The following SCFD2 variants were observed in gnomAD, a reference collection of about 807,000 sequenced individuals.
SCFD2 encodes the protein sec1 family domain-containing protein 2.
A neutral mutation model predicts 58.9 loss-of-function variants in SCFD2; 54 were observed. That is an observed-to-expected ratio of 0.92 (90% CI 0.74 to 1.15). The LOEUF (loss-of-function observed/expected upper bound fraction) is 1.15, where lower values mean the gene tolerates loss of function less well. SCFD2 is among the 50% of genes most tolerant of loss of function. The pLI is 0.00. For synonymous variants in SCFD2, 321 were observed against 335.9 expected (o/e 0.96, Z 0.49); for missense variants, 805 against 836.6 (o/e 0.96, Z 0.47).
At chr4:53,095,532 G>T (rs575345107) in intron 5 of SCFD2, among the ~76,000 whole-genome samples, 14 of 152,168 alleles carry the variant, frequency 9.2e-5, no homozygotes, top group African/African-American at 2.9e-4. Context: ...CATGCTCCCA[G>T]TCTTACTCCC....
intron 4 of SCFD2, among the ~76,000 whole-genome samples, chr4:53,271,880 G>T (rs1731180192): frequency 6.6e-6 from 1 of 152,260 alleles, no homozygotes; most frequent in East Asian, 1.9e-4. Flanking sequence ...AAGAGCTTCT[G>T]CACAGCAAAA....
chr4:53,169,478 T>C (rs1040777796), intron 4 of SCFD2, among the ~76,000 whole-genome samples: 1 of 152,228 alleles, frequency 6.6e-6, no homozygotes, highest in Non-Finnish European at 1.5e-5. Context: ...ATTCCATAAC[T>C]TGGCTACTGT....
At chr4:53,324,925 T>C (rs757111822) in intron 2 of SCFD2, among the ~76,000 whole-genome samples, 11 of 152,200 alleles carry the variant, frequency 7.2e-5, no homozygotes, top group Non-Finnish European at 1.5e-4. Flanking sequence ...ACTAATTAAC[T>C]ATGTCTTAGT....
chr4:53,231,177 TA>T (rs1159732718), intron 4 of SCFD2, among the ~76,000 whole-genome samples: 1 of 151,344 alleles, frequency 6.6e-6, no homozygotes, highest in Non-Finnish European at 1.5e-5. Context: ...ACTAGTTTTT[TA>T]AAAAAAAACC....
At chr4:53,285,420 C>T (rs1405953554) in intron 3 of SCFD2, among the ~76,000 whole-genome samples, 2 of 152,030 alleles carry the variant, frequency 1.3e-5, no homozygotes, top group Non-Finnish European at 2.9e-5. Flanking sequence ...CACCTACAGT[C>T]ATGGGCCTTC....
chr4:53,092,742 T>C (rs1053965082), intron 5 of SCFD2, among the ~76,000 whole-genome samples: 3 of 152,186 alleles, frequency 2.0e-5, no homozygotes, highest in African/African-American at 7.2e-5. Context: ...ATTCCATTTA[T>C]ATAACAATCT....
At chr4:53,188,690 C>T (rs1490848949) in intron 4 of SCFD2, among the ~76,000 whole-genome samples, 1 of 152,104 alleles carries the variant, frequency 6.6e-6, no homozygotes, top group Non-Finnish European at 1.5e-5. Context: ...TGAAAGCAAT[C>T]TATTAACTCA....
chr4:52,892,036 G>A (rs539442732), intron 7 of SCFD2, among the ~76,000 whole-genome samples: 1 of 152,200 alleles, frequency 6.6e-6, no homozygotes, highest in African/African-American at 2.4e-5. Context: ...AGTGTCCCCA[G>A]ATTGCTACCA....
chr4:53,186,311 G>C (rs1727735012), intron 4 of SCFD2, among the ~76,000 whole-genome samples: 1 of 151,732 alleles, frequency 6.6e-6, no homozygotes, highest in Non-Finnish European at 1.5e-5. Flanking sequence ...TATCTCTTAC[G>C]GGACTTACCA....
At chr4:53,042,249 T>A (rs1722918221) in intron 5 of SCFD2, among the ~76,000 whole-genome samples, 1 of 152,184 alleles carries the variant, frequency 6.6e-6, no homozygotes, top group Non-Finnish European at 1.5e-5. Context: ...ATGCGTAAAA[T>A]CATTTCACTG....
At chr4:53,159,226 T>G (rs777959824) in intron 4 of SCFD2, among the ~76,000 whole-genome samples, 2 of 152,228 alleles carry the variant, frequency 1.3e-5, no homozygotes, top group Non-Finnish European at 2.9e-5. Flanking sequence ...TTGTAGATTA[T>G]CTCATTTAGT....
At chr4:53,178,500 C>T (rs1302584262) in intron 4 of SCFD2, among the ~76,000 whole-genome samples, 3 of 152,180 alleles carry the variant, frequency 2.0e-5, no homozygotes, top group Non-Finnish European at 2.9e-5. Flanking sequence ...CCCATCTGTA[C>T]ATCACCATCA....
chr4:53,250,904 C>T (rs1300785677), intron 4 of SCFD2, among the ~76,000 whole-genome samples: 1 of 152,064 alleles, frequency 6.6e-6, no homozygotes, highest in African/African-American at 2.4e-5. Context: ...CAGAGCAGAA[C>T]TGAAGGAAAT....
At chr4:52,901,374 T>A (rs955746116) in intron 7 of SCFD2, among the ~76,000 whole-genome samples, 1 of 152,150 alleles carries the variant, frequency 6.6e-6, no homozygotes, top group Non-Finnish European at 1.5e-5. Context: ...CCCTGACAAA[T>A]AGAGCACAGT....
rs750943047 is a variant in SCFD2, at chr4:53,365,758, C to G, written c.184G>C (p.Asp62His). The change falls in exon 1 of 9, where the codon GAC (aspartate) becomes CAC (histidine). Residue 62 changes from aspartate (D) to histidine (H), a missense_variant. Asp to His is a moderately conservative substitution (Grantham distance 81). This residue lies in a region of SCFD2 where 155 missense variants were observed against 149.7 expected (regional missense o/e 1.04). Transcript: ENST00000401642. The surrounding 1 kb of genome is among the most constrained non-coding windows in gnomAD (Gnocchi z 4.3). ...TGCTTGGCTCCACCACCAATTGCGT[C>G]GGGCTCGAACTCTCGCAGGTGACAG... is the stretch of plus-strand genomic sequence containing the variant. ...PDCHLREFEP[D>H]AIGGGAKQPK... 1 of 1,613,682 alleles carries G rather than the reference C, an allele frequency of 6.2e-7. No homozygotes were observed. Among genetic ancestry groups the G allele is most frequent in the African/African-American group, 1.3e-5 (1 of 74,900 alleles).
At chr4:53,165,291 C>T (rs1447800435) in intron 4 of SCFD2, among the ~76,000 whole-genome samples, 1 of 152,180 alleles carries the variant, frequency 6.6e-6, no homozygotes, top group Admixed American at 6.5e-5. Flanking sequence ...GTCTCTTCAA[C>T]TGTATACTTG....
At chr4:53,181,780 C>T (rs1324679440) in intron 4 of SCFD2, among the ~76,000 whole-genome samples, 1 of 152,192 alleles carries the variant, frequency 6.6e-6, no homozygotes, top group Non-Finnish European at 1.5e-5. Flanking sequence ...CCAAAATCTC[C>T]TCAAGCTGAT....
intron 5 of SCFD2, among the ~76,000 whole-genome samples, chr4:52,977,194 C>T (rs1251341564): frequency 6.6e-6 from 1 of 152,110 alleles, no homozygotes; most frequent in Admixed American, 6.5e-5. Flanking sequence ...AGAAGTTGTA[C>T]ATAACTGATG....
chr4:53,129,555 G>T (rs1184308988), intron 5 of SCFD2, among the ~76,000 whole-genome samples: 1 of 152,146 alleles, frequency 6.6e-6, no homozygotes, highest in Admixed American at 6.5e-5. Flanking sequence ...AGAGCCTGTT[G>T]CATCTCTTTC....
Sources: gnomAD v4.1 joint callset for allele counts (sites outside exome capture counted in the v4.1 genomes callset) on GRCh38, gnomAD v4.1.1 for gene constraint, gnomAD v4.1.1 regional missense constraint, Gnocchi (gnomAD v3.1) non-coding constraint, MANE v1.5 for transcripts, NCBI Gene and HGNC (gene_info 2026-07-23, HGNC 2026-07-21) for gene names.